MOB4: variants seen among roughly 807,000 people sequenced by gnomAD.
The protein encoded by MOB4 is MOB family member 4, phocein, also known as MOB-like protein phocein.
Under a neutral mutation model 32.2 loss-of-function variants are expected in MOB4, and 4 were observed. The ratio of observed to expected loss-of-function variants is 0.12; its 90% CI spans 0.06 to 0.28. The LOEUF (loss-of-function observed/expected upper bound fraction) is 0.28, where lower values mean the gene tolerates loss of function less well. MOB4 is among the 10% of genes least tolerant of loss of function. The pLI is 1.00. For missense variants in MOB4, 158 were observed against 271.2 expected, an observed-to-expected ratio of 0.58 and a Z score of 2.93; for synonymous variants, 88 against 88.1, an observed-to-expected ratio of 1.00 and a Z score of 0.01.
Position 197,535,716 on chromosome 2 carries a change from A to G in MOB4, c.224+86A>G, listed in dbSNP as rs183999666. 6.3e-5 allele frequency: 92 copies of G among 1,470,020 alleles called. No individual in the cohort carries two copies. The African/African-American group carries it at 1.3e-3, about 20-fold the overall frequency. The allele number at this position is 1,470,020 out of a possible 1,614,324, so 91.1% of individuals were successfully genotyped here. ...ATAATTATGAATTGTAAAATTTACT[A>G]TGTAACTGCAGACTAAGAAGCCAAA... On this transcript the variant is annotated intron_variant, in intron 3 of 7. Transcript: ENST00000323303.
chr2:197,533,548 A>G lies in MOB4; in HGVS notation c.124-1982A>G, dbSNP rs2086743036. Reference sequence around the variant, plus strand: ...GAGACCAGCCTTACTAACATGGCGAAACCCTGTCTCTACAAAAAATACAAA... The same window carrying G: ...GAGACCAGCCTTACTAACATGGCGAGACCCTGTCTCTACAAAAAATACAAA... On this transcript the variant is annotated intron_variant, in intron 2 of 7. Transcript: ENST00000323303. Among the ~76,000 whole-genome samples the G allele has an allele frequency of 2.0e-5, 3 of 151,992 alleles. No homozygotes were observed. In the South Asian group the frequency reaches 6.2e-4, roughly 32 times the overall value.
At chr2:197,538,577 G>A (rs1486111864) in intron 3 of MOB4, among the ~76,000 whole-genome samples, 1 of 152,092 alleles carries the variant, frequency 6.6e-6, no homozygotes, top group Non-Finnish European at 1.5e-5. Context: ...GGATACATGC[G>A]TGGTGACTGG....
At chr2:197,545,020 C>T (rs140141260) in intron 5 of MOB4, among the ~76,000 whole-genome samples, 287 of 152,268 alleles carry the variant, frequency 1.9e-3, no homozygotes, top group Non-Finnish European at 3.3e-3. Flanking sequence ...CATAGAGTTG[C>T]ATACGACCCA....
At chr2:197,533,495 C>T (rs538276163) in intron 2 of MOB4, among the ~76,000 whole-genome samples, 8 of 152,112 alleles carry the variant, frequency 5.3e-5, no homozygotes, top group South Asian at 2.1e-4. Flanking sequence ...GAGGCCGAGG[C>T]GGGTGGATCA....
At chr2:197,533,119 A>C (rs568784625) in intron 2 of MOB4, among the ~76,000 whole-genome samples, 57 of 152,278 alleles carry the variant, frequency 3.7e-4, no homozygotes, top group Non-Finnish European at 6.8e-4. Flanking sequence ...AAAAATTTCT[A>C]TCCATAGAAG....
intron 3 of MOB4, among the ~76,000 whole-genome samples, chr2:197,538,132 C>T (rs1484710615): frequency 6.7e-6 from 1 of 150,032 alleles, no homozygotes; most frequent in African/African-American, 2.5e-5. Flanking sequence ...TTTAGTGTTA[C>T]AAGGGTTTTT....
At position 197,527,040 on chromosome 2, in the gene MOB4, C is replaced by T. The variant is rs185769713; in HGVS notation, c.123+3354C>T. ...CTTGGCTCAGGTGATCCTCTTGCCTCGGCTGGGATTACAGGCATGAGCCAC... is the reference window on the plus strand; with the variant it reads ...CTTGGCTCAGGTGATCCTCTTGCCTTGGCTGGGATTACAGGCATGAGCCAC... On this transcript the variant is annotated intron_variant, in intron 2 of 7. Transcript: ENST00000323303. Among the ~76,000 whole-genome samples, 9 of 152,012 alleles carry T rather than the reference C, an allele frequency of 5.9e-5. No homozygotes were observed. The East Asian group carries it at 7.8e-4, about 13-fold the overall frequency.
rs553230149 is a variant in MOB4 at position 197,516,202 on chromosome 2, C to G, written c.60+56C>G. On this transcript the variant is annotated intron_variant, in intron 1 of 7. Coordinates refer to ENST00000323303, the MANE Select transcript of MOB4 (RefSeq NM_015387.5). Reference sequence around the variant, plus strand: ...ACTAGGTGCCGAGCAGTGCTGCGCCCGGAAGCTGGCCGCCACTGCGGGGAG... The same window carrying G: ...ACTAGGTGCCGAGCAGTGCTGCGCCGGGAAGCTGGCCGCCACTGCGGGGAG... 6 of 1,548,976 alleles carry G rather than the reference C, an allele frequency of 3.9e-6. No homozygotes were observed. The East Asian group carries it at 9.8e-5, about 25-fold the overall frequency.
At chr2:197,540,285 G>A (rs1458446531) in intron 4 of MOB4, 66 bp from the exon 5 acceptor site, 5 of 1,471,438 alleles carry the variant, frequency 3.4e-6, no homozygotes, top group African/African-American at 1.4e-5. Context: ...TGGAAATATA[G>A]TAACCTAAAT....
chr2:197,533,888 G>T (rs1209108629), intron 2 of MOB4: 3 of 641,950 alleles, frequency 4.7e-6, no homozygotes, highest in Admixed American at 3.7e-5. Flanking sequence ...TTCCCCAGTG[G>T]ATTCAGATGA....
At chr2:197,538,704 A>G (rs1170399852) in intron 3 of MOB4, among the ~76,000 whole-genome samples, 1 of 152,182 alleles carries the variant, frequency 6.6e-6, no homozygotes, top group South Asian at 2.1e-4. Flanking sequence ...CACAGATTAT[A>G]CCCACAGCCC....
intron 2 of MOB4, 122 bp from the exon 3 acceptor site, chr2:197,535,408 A>G (rs756978862): frequency 5.0e-6 from 4 of 805,230 alleles, no homozygotes; most frequent in South Asian, 2.7e-5. Flanking sequence ...TTGGTTTCCT[A>G]TTTAGTGTAT....
At chr2:197,524,612 G>A (rs968491085) in intron 2 of MOB4, among the ~76,000 whole-genome samples, 22 of 151,854 alleles carry the variant, frequency 1.4e-4, no homozygotes, top group South Asian at 8.3e-4. Flanking sequence ...AAATTGGAGC[G>A]TACTAGTATA....
chr2:197,528,426 A>G (rs1299555542), intron 2 of MOB4, among the ~76,000 whole-genome samples: 1 of 152,058 alleles, frequency 6.6e-6, no homozygotes, highest in Non-Finnish European at 1.5e-5. Context: ...CTCCCCCTTT[A>G]TACTATAGTT....
chr2:197,532,927 C>T (rs559869743), intron 2 of MOB4, among the ~76,000 whole-genome samples: 65 of 151,912 alleles, frequency 4.3e-4, no homozygotes, highest in Non-Finnish European at 8.2e-4. Flanking sequence ...GGTGAAACAC[C>T]ATCTCTACTA....
chr2:197,519,983 A>G (rs2086485513), intron 1 of MOB4, among the ~76,000 whole-genome samples: 1 of 152,172 alleles, frequency 6.6e-6, no homozygotes, highest in Non-Finnish European at 1.5e-5. Context: ...TCATCCAGAT[A>G]GGCCAGCTAT....
chr2:197,518,487 C>T (rs564732313), intron 1 of MOB4, among the ~76,000 whole-genome samples: 2 of 150,826 alleles, frequency 1.3e-5, no homozygotes, highest in South Asian at 2.1e-4. Context: ...GTCTCGAACT[C>T]CTGACCTCAG....
intron 5 of MOB4, among the ~76,000 whole-genome samples, chr2:197,545,230 C>T (rs528700448): frequency 6.6e-6 from 1 of 152,104 alleles, no homozygotes; most frequent in South Asian, 2.1e-4. Context: ...TCCCAGGACC[C>T]CCATGAATAC....
intron 4 of MOB4, 67 bp from the exon 5 acceptor site, chr2:197,540,281 TATA>T: frequency 6.8e-7 from 1 of 1,468,382 alleles, no homozygotes. Context: ...ATTATGGAAA[TATA>T]GTAACCTAAA....
Sources: allele counts gnomAD v4.1 joint callset (sites outside exome capture counted in the v4.1 genomes callset), GRCh38; gene constraint gnomAD v4.1.1; transcripts MANE v1.5; gene names NCBI Gene and HGNC (gene_info 2026-07-23, HGNC 2026-07-21).